PEPD: variants seen among roughly 807,000 people sequenced by gnomAD.
PEPD encodes xaa-Pro dipeptidase.
PEPD carries 53 observed loss-of-function variants against 60.7 expected under a neutral mutation model. The observed-to-expected ratio is 0.87, with a 90% confidence interval of 0.70 to 1.10. The LOEUF is 1.10. Ranked by LOEUF, PEPD falls within the 50% of genes least tolerant of loss-of-function variation. The pLI is 0.00. For missense variants in PEPD, 711 were observed against 711.9 expected, an observed-to-expected ratio of 1.00 and a Z score of 0.01; for synonymous variants, 267 against 284.1, an observed-to-expected ratio of 0.94 and a Z score of 0.60.
At chr19:33,498,689 CAG>C (rs1970653963) in intron 4 of PEPD, among the ~76,000 whole-genome samples, 2 of 151,536 alleles carry the variant, frequency 1.3e-5, no homozygotes, top group African/African-American at 4.9e-5. Context: ...ATCCTTGAGA[CAG>C]GGTCCTGGAG....
At chr19:33,423,928 C>T (rs1325484763) in intron 9 of PEPD, among the ~76,000 whole-genome samples, 2 of 152,226 alleles carry the variant, frequency 1.3e-5, no homozygotes, top group South Asian at 4.1e-4. Flanking sequence ...TGCACATTTA[C>T]TTAATCAATG....
chr19:33,388,717 G>A (rs763919286), intron 13 of PEPD: 1 of 174,642 alleles, frequency 5.7e-6, no homozygotes, highest in Non-Finnish European at 1.2e-5. Context: ...CCTTACGGCA[G>A]GGCCCTGGGA....
Position 33,403,355 on chromosome 19 carries a change from G to A in PEPD, c.819-1486C>T, listed in dbSNP as rs561391091. Among the ~76,000 whole-genome samples the A allele has an allele frequency of 1.2e-4, 19 of 152,328 alleles. No individual in the cohort carries two copies. The East Asian group carries it at 3.5e-3, about 28-fold the overall frequency. On this transcript the variant is annotated intron_variant, in intron 11 of 14. Coordinates refer to ENST00000244137, the MANE Select transcript of PEPD (RefSeq NM_000285.4). ...CAGGGTCCAGAACCAGAGCCAGGAG[G>A]GCTGAGGAAGTGCAGCTGCCCCTCT...
chr19:33,463,926 G>T, intron 8 of PEPD, 61 bp downstream of exon 8: 1 of 1,143,254 alleles, frequency 8.7e-7, no homozygotes, highest in Non-Finnish European at 1.3e-6. Context: ...TCCTCACGCA[G>T]TTCTCTCGCC....
intron 13 of PEPD, chr19:33,388,619 G>C (rs2145322330): frequency 4.6e-6 from 1 of 216,652 alleles, no homozygotes; most frequent in Non-Finnish European, 9.6e-6. Context: ...GCCGTCATCA[G>C]GGTGGGTCTG....
intron 9 of PEPD, among the ~76,000 whole-genome samples, chr19:33,442,309 A>G (rs1969493386): frequency 6.6e-6 from 1 of 151,978 alleles, no homozygotes; most frequent in South Asian, 2.1e-4. Flanking sequence ...TGGGAGGCTG[A>G]GGCAGAAGAA....
At chr19:33,511,178 T>C (rs756105519) in intron 2 of PEPD, 23 bp from the exon 3 acceptor site, 7 of 1,613,360 alleles carry the variant, frequency 4.3e-6, no homozygotes, top group East Asian at 2.2e-5. Context: ...CAAGAACTAT[T>C]GTTAGCCAGT....
chr19:33,452,486 T>G (rs1969716270), intron 9 of PEPD, among the ~76,000 whole-genome samples: 1 of 151,982 alleles, frequency 6.6e-6, no homozygotes, highest in African/African-American at 2.4e-5. Context: ...ACAGTAGAAC[T>G]GAAAAATAAA....
chr19:33,474,993 A>AG (rs1445073438), intron 7 of PEPD, among the ~76,000 whole-genome samples: 1 of 146,246 alleles, frequency 6.8e-6, no homozygotes, highest in Non-Finnish European at 1.5e-5. Flanking sequence ...AAAAAAAAAA[A>AG]AAAAAGACAT....
At chr19:33,499,652 G>A (rs533179582) in intron 4 of PEPD, among the ~76,000 whole-genome samples, 1 of 152,228 alleles carries the variant, frequency 6.6e-6, no homozygotes, top group African/African-American at 2.4e-5. Context: ...GCTCAGGGAA[G>A]GGGCACCAGT....
intron 12 of PEPD, 66 bp downstream of exon 12, chr19:33,401,655 C>T (rs750136950): frequency 4.1e-6 from 6 of 1,462,938 alleles, no homozygotes; most frequent in Non-Finnish European, 3.8e-6. Context: ...CCTGCAGGCA[C>T]CTGCCACATA....
At chr19:33,436,874 G>A (rs1969388100) in intron 9 of PEPD, among the ~76,000 whole-genome samples, 1 of 152,212 alleles carries the variant, frequency 6.6e-6, no homozygotes, top group African/African-American at 2.4e-5. Flanking sequence ...CTCGCTCACA[G>A]CACTAGCAAG....
At chr19:33,479,236 T>TA (rs939520191) in intron 6 of PEPD, among the ~76,000 whole-genome samples, 40 of 146,432 alleles carry the variant, frequency 2.7e-4, no homozygotes, top group Non-Finnish European at 4.4e-4. Flanking sequence ...AATGTGACAA[T>TA]AAAAAAAAAA....
intron 4 of PEPD, among the ~76,000 whole-genome samples, chr19:33,496,822 C>G (rs1023652038): frequency 1.3e-5 from 2 of 152,244 alleles, no homozygotes; most frequent in Non-Finnish European, 1.5e-5. Flanking sequence ...ACATCCTCCC[C>G]TGGGGACAAT....
chr19:33,493,536 T>C, intron 4 of PEPD, 199 bp from the exon 5 acceptor site: 1 of 661,350 alleles, frequency 1.5e-6, no homozygotes, highest in Non-Finnish European at 2.8e-6. Context: ...CACACAGCCA[T>C]CGAGGGGCAG....
At chr19:33,447,750 G>A (rs752231616) in intron 9 of PEPD, among the ~76,000 whole-genome samples, 12 of 152,214 alleles carry the variant, frequency 7.9e-5, no homozygotes, top group Non-Finnish European at 1.2e-4. Context: ...TGGGGCAGCT[G>A]AAGAAGGCAG....
chr19:33,410,798 G>A (rs1394978117), intron 11 of PEPD, among the ~76,000 whole-genome samples: 1 of 149,516 alleles, frequency 6.7e-6, no homozygotes, highest in Non-Finnish European at 1.5e-5. Flanking sequence ...AATGTCTGGA[G>A]GCCAAGACAG....
At chr19:33,473,756 C>G (rs1016545563) in intron 7 of PEPD, among the ~76,000 whole-genome samples, 6 of 152,188 alleles carry the variant, frequency 3.9e-5, no homozygotes, top group Non-Finnish European at 2.9e-5. Flanking sequence ...AAGATGCCTG[C>G]TCTTTTGAAG....
intron 6 of PEPD, among the ~76,000 whole-genome samples, chr19:33,480,074 C>T (rs1231273255): frequency 6.6e-6 from 1 of 152,200 alleles, no homozygotes; most frequent in Admixed American, 6.5e-5. Context: ...ACCTTGCCAG[C>T]ATCTGTTACT....
Sources: gnomAD v4.1 joint callset for allele counts (sites outside exome capture counted in the v4.1 genomes callset) on GRCh38, gnomAD v4.1.1 for gene constraint, MANE v1.5 for transcripts, NCBI Gene and HGNC (gene_info 2026-07-23, HGNC 2026-07-21) for gene names.